The following GRAMD2A variants were observed in gnomAD, a reference collection of about 807,000 sequenced individuals.
The protein encoded by GRAMD2A is GRAM domain-containing protein 2A.
Under a neutral mutation model 51.1 loss-of-function variants are expected in GRAMD2A, and 37 were observed. The observed-to-expected ratio is 0.72, with a 90% CI of 0.56 to 0.95. GRAMD2A has a LOEUF of 0.95. Ranked by LOEUF, GRAMD2A falls within the 40% of genes least tolerant of loss-of-function variation. The pLI is 0.00. For missense variants in GRAMD2A, 414 were observed against 426.9 expected (o/e 0.97, Z 0.27); for synonymous variants, 136 against 157.1 (o/e 0.87, Z 1.01).
At chr15:72,196,411 G>A (rs1350007440) in intron 1 of GRAMD2A, among the ~76,000 whole-genome samples, 1 of 152,020 alleles carries the variant, frequency 6.6e-6, no homozygotes, top group Non-Finnish European at 1.5e-5. Context: ...AGCTACTCGG[G>A]AGGCTGAGGC....
chr15:72,162,117 G>C, intron 11 of GRAMD2A, 105 bp from the exon 12 acceptor site: 1 of 1,440,068 alleles, frequency 6.9e-7, no homozygotes, highest in Non-Finnish European at 9.8e-7. Flanking sequence ...GTGGGCCAGG[G>C]TGGGACTGGT....
chr15:72,173,558 T>G (rs1425060596), intron 1 of GRAMD2A: 1 of 152,010 alleles, frequency 6.6e-6, no homozygotes, highest in Non-Finnish European at 1.5e-5. Flanking sequence ...TCACGACAAC[T>G]CCAGGGAGGA....
At chr15:72,178,568 CTTTTTTTTTTTT>C (rs537075334) in intron 1 of GRAMD2A, among the ~76,000 whole-genome samples, 1 of 84,200 alleles carries the variant, frequency 1.2e-5, no homozygotes, top group South Asian at 4.8e-4. Flanking sequence ...CTTGCACTTT[CTTTTTTTTTTTT>C]TTTTTTTTTT....
chr15:72,166,750 C>A lies in GRAMD2A; in HGVS notation c.472-47G>T. On this transcript the variant is annotated intron_variant, in intron 6 of 11. Transcript: ENST00000309731. The surrounding 1 kb of genome is among the most constrained non-coding windows in gnomAD (Gnocchi z 4.1). ...GACAGGGGTAGGGTGAGATGAGACT[C>A]CTTGCTGTGCCAGCCAGCCCCCTTG... 1 of 1,507,262 alleles carries A rather than the reference C, an allele frequency of 6.6e-7. No homozygotes were observed. The highest frequency in any genetic ancestry group is 9.2e-7 in the Non-Finnish European group (1 of 1,087,282). The allele number at this position is 1,507,262 out of a possible 1,614,324, so 93.4% of individuals were successfully genotyped here.
intron 1 of GRAMD2A, among the ~76,000 whole-genome samples, chr15:72,182,010 A>C (rs1489213544): frequency 6.6e-6 from 1 of 152,204 alleles, no homozygotes; most frequent in African/African-American, 2.4e-5. Flanking sequence ...ATGCTGGGAC[A>C]AACTGAATAT....
chr15:72,168,825 G>A, intron 3 of GRAMD2A, 114 bp downstream of exon 3: 1 of 949,764 alleles, frequency 1.1e-6, no homozygotes, highest in Non-Finnish European at 1.7e-6. Flanking sequence ...ACACACTCAG[G>A]TCTCCTGATT....
At chr15:72,178,750 A>G (rs1266773492) in intron 1 of GRAMD2A, among the ~76,000 whole-genome samples, 3 of 150,826 alleles carry the variant, frequency 2.0e-5, no homozygotes, top group African/African-American at 7.3e-5. Context: ...AATTTTTTGT[A>G]TTTTTAGTAG....
At chr15:72,178,865 G>C (rs570313121) in intron 1 of GRAMD2A, among the ~76,000 whole-genome samples, 200 of 151,912 alleles carry the variant, frequency 1.3e-3, no homozygotes, top group Non-Finnish European at 2.1e-3. Flanking sequence ...TGAGCCACCC[G>C]GCCCGGCTGT....
At chr15:72,176,017 G>C (rs533474255) in intron 1 of GRAMD2A, 5 of 152,342 alleles carry the variant, frequency 3.3e-5, no homozygotes, top group African/African-American at 1.2e-4. Flanking sequence ...GCTCTGGTTC[G>C]GTACCTCAAG....
In GRAMD2A at chr15:72,166,088, C is replaced by T. The variant is rs1202048220; in HGVS notation, c.543+544G>A. ...TTCACTACGTTGGCCAGGCTGGTCT[C>T]GAACTCTTGACCTCAGGTGATCCAC... On this transcript the variant is annotated intron_variant, in intron 7 of 11. Transcript: ENST00000309731. This position sits in a 1 kb window ranked among gnomAD's most constrained non-coding sequence, Gnocchi z 4.1. Among the ~76,000 whole-genome samples, 12 of 152,146 alleles carry T rather than the reference C, an allele frequency of 7.9e-5. No homozygotes were observed. The highest frequency in any genetic ancestry group is 1.7e-4 in the African/African-American group (7 of 41,430).
At chr15:72,162,663 C>G in intron 10 of GRAMD2A, 1 of 312,888 alleles carries the variant, frequency 3.2e-6, no homozygotes, top group East Asian at 7.1e-5. Context: ...TCATCCTACC[C>G]TCTCTCTCAC....
rs183372466 is a variant in GRAMD2A, at chr15:72,168,845, C to T, written c.192+94G>A. ...CTCAGGTCTCCTGATTTCCTGATGA[C>T]AGGCCCGGTGGCCAAGGAGCCAAAA... On this transcript the variant is annotated intron_variant, in intron 3 of 11. Coordinates refer to ENST00000309731, the MANE Select transcript of GRAMD2A (RefSeq NM_001012642.3). The T allele has an allele frequency of 9.7e-5, 110 of 1,134,702 alleles. 2 individuals carry two copies. In the East Asian group the frequency reaches 1.7e-3, roughly 18 times the overall value. 70.3% of individuals were successfully genotyped at this position (1,134,702 alleles called of 1,614,324 possible).
rs148965726 is a variant in GRAMD2A at position 72,163,811 on chromosome 15, C to T, written c.601-54G>A. The stretch of plus-strand genomic sequence containing the variant: ...CCATGGCCCTTGCGATCTCACTTGC[C>T]CTAAGGAGCCCACACCAGGTTTATC... On this transcript the variant is annotated intron_variant, in intron 8 of 11. Transcript: ENST00000309731. The T allele has an allele frequency of 1.7e-3, 2,679 of 1,563,802 alleles. 47 individuals are homozygous for T. The highest frequency in any genetic ancestry group is 5.1e-3 in the East Asian group (227 of 44,432).
chr15:72,184,049 A>G (rs1047596193), intron 1 of GRAMD2A, among the ~76,000 whole-genome samples: 2 of 152,206 alleles, frequency 1.3e-5, no homozygotes, highest in African/African-American at 4.8e-5. Context: ...CCTCGCGGGA[A>G]AAGACCACGG....
At chr15:72,194,920 T>G (rs2081793914) in intron 1 of GRAMD2A, among the ~76,000 whole-genome samples, 1 of 152,156 alleles carries the variant, frequency 6.6e-6, no homozygotes. Flanking sequence ...ACTCCTGACC[T>G]CAGGGGATCC....
chr15:72,178,791 G>A (rs1385275167), intron 1 of GRAMD2A, among the ~76,000 whole-genome samples: 1 of 151,782 alleles, frequency 6.6e-6, no homozygotes, highest in African/African-American at 2.4e-5. Flanking sequence ...AGCCAGGATG[G>A]TCTTGATCTC....
intron 1 of GRAMD2A, among the ~76,000 whole-genome samples, chr15:72,172,145 G>T (rs1418292303): frequency 6.6e-6 from 1 of 151,580 alleles, no homozygotes; most frequent in African/African-American, 2.4e-5. Flanking sequence ...TTGAGACAGG[G>T]TTTCACTCTG....
intron 1 of GRAMD2A, among the ~76,000 whole-genome samples, chr15:72,171,360 T>C (rs1166270645): frequency 6.6e-6 from 1 of 152,030 alleles, no homozygotes; most frequent in Admixed American, 6.6e-5. Flanking sequence ...CACCTAAAGA[T>C]TCCCCAAAAA....
intron 1 of GRAMD2A, among the ~76,000 whole-genome samples, chr15:72,188,380 A>G (rs2081747644): frequency 6.6e-6 from 1 of 151,892 alleles, no homozygotes; most frequent in African/African-American, 2.4e-5. Context: ...GTGTAGTTAG[A>G]GGAGAAAAAA....
Sources: allele counts gnomAD v4.1 joint callset (sites outside exome capture counted in the v4.1 genomes callset), GRCh38; gene constraint gnomAD v4.1.1; non-coding constraint Gnocchi (gnomAD v3.1); transcripts MANE v1.5; gene names NCBI Gene and HGNC (gene_info 2026-07-23, HGNC 2026-07-21).